CASD1: variants seen among roughly 807,000 people sequenced by gnomAD.
CASD1 encodes CAS1 domain sialic acid O acetyltransferase 1, also known as N-acetylneuraminate (7)9-O-acetyltransferase.
In CASD1, 41 loss-of-function variants were observed where a neutral mutation model predicts 100.0. The ratio of observed to expected loss-of-function variants is 0.41; its 90% confidence interval spans 0.32 to 0.53. The LOEUF is 0.53. Ranked by LOEUF, CASD1 falls within the 20% of genes least tolerant of loss-of-function variation. The pLI is 0.25. For missense variants in CASD1, 774 were observed against 948.7 expected (o/e 0.82, Z 2.42); for synonymous variants, 321 against 315.6 (o/e 1.02, Z -0.18).
chr7:94,599,700 G>A, the CASD1 span: 6 of 1,609,454 alleles, frequency 3.7e-6, no homozygotes, highest in Non-Finnish European at 3.4e-6. Context: ...CACTTACTCT[G>A]GTGTTTGCAT....
the CASD1 span, among the ~76,000 whole-genome samples, chr7:94,570,353 C>T: frequency 2.6e-5 from 4 of 152,076 alleles, no homozygotes; most frequent in Non-Finnish European, 5.9e-5. Flanking sequence ...TCATATTTAA[C>T]ATCCTAAATT....
intron 3 of CASD1, among the ~76,000 whole-genome samples, chr7:94,521,413 A>G (rs1794260944): frequency 6.6e-6 from 1 of 152,226 alleles, no homozygotes. Flanking sequence ...GTGAAAAGAC[A>G]GAACTAAAGA....
At position 94,551,435 on chromosome 7, in the gene CASD1, A is replaced by G; in HGVS notation, c.1913A>G (p.Lys638Arg). Residue 638 changes from lysine (K) to arginine (R), a missense_variant, in exon 15 of 18, where the codon AAA becomes AGA. This residue lies in a region of CASD1 where 175 missense variants were observed against 206.9 expected (regional missense o/e 0.85). Coordinates refer to ENST00000297273, the MANE Select transcript of CASD1 (RefSeq NM_022900.5). ...EGKGEPLFSN[K>R]ISNFLLFISV... is the part of the protein sequence containing the mutation. Reference sequence around the variant, plus strand: ...AAGGGTGAACCTCTTTTTTCAAACAAAATTTCAAATTTTCTGTTGTTTATT... The same window carrying G: ...AAGGGTGAACCTCTTTTTTCAAACAGAATTTCAAATTTTCTGTTGTTTATT... 1.3e-6 allele frequency: 2 copies of G among 1,532,006 alleles called. No individual in the cohort carries two copies. The highest frequency in any genetic ancestry group is 1.7e-6 in the Non-Finnish European group (2 of 1,147,208). 94.9% of individuals were successfully genotyped at this position (1,532,006 alleles called of 1,614,324 possible).
chr7:94,545,533 C>G lies in CASD1; in HGVS notation c.1477-12C>G, dbSNP rs751066816. 7 of 1,590,844 alleles carry G rather than the reference C, an allele frequency of 4.4e-6. No homozygotes were observed. The highest frequency in any genetic ancestry group is 2.7e-5 in the African/African-American group (2 of 74,308). On this transcript the variant is annotated splice_polypyrimidine_tract_variant and intron_variant, in intron 11 of 17. Coordinates refer to ENST00000297273, the MANE Select transcript of CASD1 (RefSeq NM_022900.5). ...ACTTAGAATGAAACCATTTTCTTCT[C>G]CTTTTCAATAGGTTTTATTTCGTCT... is the stretch of plus-strand genomic sequence containing the variant.
At chr7:94,618,933 C>A in the CASD1 span, 1 of 1,613,492 alleles carries the variant, frequency 6.2e-7, no homozygotes, top group Non-Finnish European at 8.5e-7. Context: ...ATGAAGAATT[C>A]TGCTTGATAT....
At chr7:94,513,145 T>C (rs1018699299) in intron 1 of CASD1, among the ~76,000 whole-genome samples, 18 of 152,136 alleles carry the variant, frequency 1.2e-4, no homozygotes, top group African/African-American at 3.4e-4. Context: ...AAGACCAGCG[T>C]GGCCAACATG....
chr7:94,517,489 A>G (rs527773320), intron 1 of CASD1, 71 bp from the exon 2 acceptor site: 9 of 906,100 alleles, frequency 9.9e-6, no homozygotes, highest in Admixed American at 6.9e-5. Flanking sequence ...AGGAACTTAT[A>G]TAGGGTCAAG....
At chr7:94,526,761 C>T (rs1465275607) in intron 3 of CASD1, among the ~76,000 whole-genome samples, 2 of 152,198 alleles carry the variant, frequency 1.3e-5, no homozygotes, top group Non-Finnish European at 2.9e-5. Context: ...CCTTGTACTA[C>T]AGCCCAGGCA....
chr7:94,587,938 C>G, the CASD1 span: 1 of 1,427,002 alleles, frequency 7.0e-7, no homozygotes, highest in Non-Finnish European at 9.1e-7. Context: ...TGCCGCTATT[C>G]ATACTCAGAA....
the CASD1 span, chr7:94,628,093 C>A: frequency 5.1e-6 from 4 of 780,416 alleles, no homozygotes; most frequent in East Asian, 1.1e-4. Context: ...TTAAAAACCA[C>A]CATCAGGTAA....
intron 3 of CASD1, among the ~76,000 whole-genome samples, chr7:94,520,389 G>GA: frequency 6.6e-6 from 1 of 152,248 alleles, no homozygotes; most frequent in Admixed American, 6.5e-5. Context: ...TTTGTGTATT[G>GA]AGTCAAATTT....
chr7:94,563,917 T>C, the CASD1 span, among the ~76,000 whole-genome samples: 2 of 152,212 alleles, frequency 1.3e-5, no homozygotes, highest in Admixed American at 6.5e-5. Flanking sequence ...GCAAGACTAC[T>C]AGTCTTTTAA....
chr7:94,526,754 T>G (rs1794590044), intron 3 of CASD1, among the ~76,000 whole-genome samples: 2 of 152,182 alleles, frequency 1.3e-5, no homozygotes, highest in Non-Finnish European at 2.9e-5. Context: ...GATTGCTCCT[T>G]GTACTACAGC....
rs756379268 is a variant in CASD1 at position 94,544,464 on chromosome 7, G to A, written c.1410G>A (p.Gln470=). 1 of 1,613,136 alleles carries A rather than the reference G, an allele frequency of 6.2e-7. No homozygotes were observed. Among genetic ancestry groups the A allele is most frequent in the Non-Finnish European group, 8.5e-7 (1 of 1,179,530 alleles). The change falls in exon 11 of 18, where the codon CAG becomes CAA. Residue 470 remains glutamine (Q), a synonymous_variant. Transcript: ENST00000297273. ...IRVLVAAYLF[Q]TGYGHFSYFW... ...TTCTGGTTGCTGCATATTTATTTCA[G>A]ACAGGGTATGGGCATTTCTCATACT...
At chr7:94,552,967 T>G (rs1198588198) in intron 16 of CASD1, among the ~76,000 whole-genome samples, 1 of 152,094 alleles carries the variant, frequency 6.6e-6, no homozygotes, top group African/African-American at 2.4e-5. Flanking sequence ...AAGTTAATAC[T>G]ACATGCTAGA....
chr7:94,527,992 G>A (rs933005801), intron 4 of CASD1, among the ~76,000 whole-genome samples, 196 bp from the exon 5 acceptor site: 2 of 152,222 alleles, frequency 1.3e-5, no homozygotes, highest in African/African-American at 4.8e-5. Context: ...TGGACAGTAG[G>A]TTAGAGGAAG....
chr7:94,582,622 G>C, the CASD1 span, among the ~76,000 whole-genome samples: 1 of 152,162 alleles, frequency 6.6e-6, no homozygotes. Context: ...TCTGTTGATA[G>C]TTTCTTTTCA....
intron 1 of CASD1, among the ~76,000 whole-genome samples, chr7:94,514,485 G>C (rs1434198858): frequency 6.6e-6 from 1 of 152,122 alleles, no homozygotes; most frequent in Non-Finnish European, 1.5e-5. Flanking sequence ...CTAAATTTAG[G>C]TGCAGTGTGC....
chr7:94,545,640 G>T lies in CASD1; in HGVS notation c.1572G>T (p.Trp524Cys). The change falls in exon 12 of 18, where the codon TGG becomes TGT. Residue 524 changes from tryptophan (W) to cysteine (C), a missense_variant. Transcript: ENST00000297273. ...ACTTTGTCCCCTTGGTCACTGTATG[G>T]TTCATGGTCATATATGTTACTTTAG... ...FYYFVPLVTV[W>C]FMVIYVTLAL... 6.2e-7 allele frequency: 1 copy of T among 1,610,922 alleles called. No homozygotes were observed. Among genetic ancestry groups the T allele is most frequent in the Non-Finnish European group, 8.5e-7 (1 of 1,177,846 alleles).
Sources: allele counts gnomAD v4.1 joint callset (sites outside exome capture counted in the v4.1 genomes callset), GRCh38; gene constraint gnomAD v4.1.1; regional missense constraint gnomAD v4.1.1; transcripts MANE v1.5; gene names NCBI Gene and HGNC (gene_info 2026-07-23, HGNC 2026-07-21).